COP1: variants seen among roughly 807,000 people sequenced by gnomAD.
COP1 encodes the protein COP1 E3 ubiquitin ligase, also known as E3 ubiquitin-protein ligase COP1.
Under a neutral mutation model 101.3 loss-of-function variants are expected in COP1, and 24 were observed. That is an observed-to-expected ratio of 0.24 (90% CI 0.17 to 0.33). The LOEUF is 0.33. Ranked by LOEUF, COP1 falls within the 10% of genes least tolerant of loss-of-function variation. The pLI, the probability that COP1 is intolerant of heterozygous loss-of-function variation, is 1.00. For synonymous variants in COP1, 347 were observed against 341.9 expected, an observed-to-expected ratio of 1.01 and a Z score of -0.17; for missense variants, 663 against 906.2, an observed-to-expected ratio of 0.73 and a Z score of 3.45.
At chr1:175,978,611 T>C (rs1185394660) in intron 18 of COP1, among the ~76,000 whole-genome samples, 8 of 152,184 alleles carry the variant, frequency 5.3e-5, no homozygotes, top group Admixed American at 4.6e-4. Context: ...GGAGTCTTTC[T>C]GGAAGTCAGG....
intron 6 of COP1, among the ~76,000 whole-genome samples, chr1:176,148,123 ATGTT>A (rs1691858112): frequency 6.6e-6 from 1 of 152,186 alleles, no homozygotes; most frequent in Non-Finnish European, 1.5e-5. Flanking sequence ...TTTATAACAG[ATGTT>A]TGTTAGTAGG....
intron 14 of COP1, among the ~76,000 whole-genome samples, chr1:176,042,981 A>G (rs1670897213): frequency 6.6e-6 from 1 of 152,152 alleles, no homozygotes; most frequent in South Asian, 2.1e-4. Flanking sequence ...CTGAGCCACA[A>G]TTGTGCCACT....
chr1:175,951,364 A>G (rs1649868679), intron 18 of COP1, among the ~76,000 whole-genome samples: 1 of 148,604 alleles, frequency 6.7e-6, no homozygotes, highest in African/African-American at 2.4e-5. Context: ...AGATAGATGT[A>G]ACTGATTTTA....
intron 1 of COP1, among the ~76,000 whole-genome samples, chr1:176,205,194 CTTTGT>C (rs1204448060): frequency 1.3e-5 from 2 of 152,208 alleles, no homozygotes; most frequent in Non-Finnish European, 2.9e-5. Flanking sequence ...GCACACCCCA[CTTTGT>C]TTTATTAGCT....
Position 176,207,088 on chromosome 1 carries a change from G to T in COP1, c.-110C>A. Reference sequence around the variant, plus strand: ...AGTGCATCCTGAGGACGCCCGCCGAGCCGGAGGTGGGGCTGAGGAACAATA... The same window carrying T: ...AGTGCATCCTGAGGACGCCCGCCGATCCGGAGGTGGGGCTGAGGAACAATA... On this transcript the variant is annotated 5_prime_UTR_variant, in exon 1 of 20. Transcript: ENST00000367669. 2 of 871,988 alleles carry T rather than the reference G, an allele frequency of 2.3e-6. No homozygotes were observed. Among genetic ancestry groups the T allele is most frequent in the Non-Finnish European group, 3.1e-6 (2 of 636,300 alleles). The allele number at this position is 871,988 out of a possible 1,614,324, so 54.0% of individuals were successfully genotyped here. A position where few individuals can be genotyped will look rare whatever the true frequency, so the allele number is the denominator to read the frequency against.
intron 3 of COP1, among the ~76,000 whole-genome samples, chr1:176,175,335 C>T (rs1312520244): frequency 6.6e-6 from 1 of 152,234 alleles, no homozygotes; most frequent in East Asian, 1.9e-4. Flanking sequence ...AGTCTGTCAT[C>T]TACATCAGCA....
At chr1:176,003,271 T>A (rs1168354044) in intron 15 of COP1, among the ~76,000 whole-genome samples, 1 of 152,202 alleles carries the variant, frequency 6.6e-6, no homozygotes, top group Non-Finnish European at 1.5e-5. Context: ...GATGAGTAGG[T>A]TGCAAAAATT....
At chr1:175,964,950 TG>T (rs1651818727) in intron 18 of COP1, among the ~76,000 whole-genome samples, 1 of 152,240 alleles carries the variant, frequency 6.6e-6, no homozygotes, top group Non-Finnish European at 1.5e-5. Context: ...ACAAATGTCT[TG>T]TTTTCTCATT....
At chr1:176,047,818 C>T (rs767600688) in intron 11 of COP1, among the ~76,000 whole-genome samples, 22 of 152,188 alleles carry the variant, frequency 1.4e-4, no homozygotes, top group Non-Finnish European at 3.1e-4. Context: ...CTCATGCCTG[C>T]AATCCCAGCA....
intron 9 of COP1, among the ~76,000 whole-genome samples, chr1:176,100,727 A>T (rs1683261348): frequency 6.6e-6 from 1 of 152,184 alleles, no homozygotes; most frequent in Non-Finnish European, 1.5e-5. Context: ...ATGCACCCAA[A>T]TCTTAGCAGG....
At chr1:176,087,411 AG>A (rs1055466263) in intron 9 of COP1, among the ~76,000 whole-genome samples, 2 of 151,950 alleles carry the variant, frequency 1.3e-5, no homozygotes, top group African/African-American at 4.9e-5. Context: ...GAAATTTACG[AG>A]AAAAAATCAA....
In COP1 at chr1:176,110,926, T is replaced by C. The variant is rs1288888828; in HGVS notation, c.1026+5698A>G. On this transcript the variant is annotated intron_variant, in intron 9 of 19. Transcript: ENST00000367669. ...CCCAGCACTTTGGGAGGCTGAGGCA[T>C]GCAGATCATGAGATCAAGGGATCGA... Among the ~76,000 whole-genome samples, 5 of 152,056 alleles carry C rather than the reference T, an allele frequency of 3.3e-5. No homozygotes were observed. The East Asian group carries it at 9.7e-4, about 29-fold the overall frequency.
chr1:175,992,086 T>C (rs919502597), intron 15 of COP1, among the ~76,000 whole-genome samples: 1 of 152,230 alleles, frequency 6.6e-6, no homozygotes, highest in Admixed American at 6.5e-5. Flanking sequence ...ATTTTTAATT[T>C]TTTTTGAGTA....
intron 2 of COP1, among the ~76,000 whole-genome samples, chr1:176,182,495 T>G (rs1450531467): frequency 6.6e-6 from 1 of 152,154 alleles, no homozygotes; most frequent in East Asian, 1.9e-4. Flanking sequence ...TGGTACTGGG[T>G]AGGGGTCAAG....
At chr1:176,002,724 T>C (rs1175893882) in intron 15 of COP1, among the ~76,000 whole-genome samples, 4 of 148,008 alleles carry the variant, frequency 2.7e-5, no homozygotes, top group African/African-American at 7.5e-5. Flanking sequence ...CCATGGTGTA[T>C]ATGTGCCACA....
chr1:176,067,527 T>G (rs1240078760), intron 11 of COP1, among the ~76,000 whole-genome samples: 3 of 152,076 alleles, frequency 2.0e-5, no homozygotes, highest in Non-Finnish European at 4.4e-5. Flanking sequence ...AGAATTTGGC[T>G]GGGACGGTTG....
Position 176,206,999 on chromosome 1 carries a change from C to A in COP1, c.-21G>T. The A allele has an allele frequency of 7.3e-7, 1 of 1,367,270 alleles. No individual in the cohort carries two copies. Among genetic ancestry groups the A allele is most frequent in the Admixed American group, 3.6e-5 (1 of 27,762 alleles). 84.7% of individuals were successfully genotyped at this position (1,367,270 alleles called of 1,614,324 possible). On this transcript the variant is annotated 5_prime_UTR_variant, in exon 1 of 20. Coordinates refer to ENST00000367669, the MANE Select transcript of COP1 (RefSeq NM_022457.7). ...GACATCGTGACTCCCTCCCCTCCAGCCGGGCGCTCGGAGGAGAGGGACCGC... is the reference window on the plus strand; with the variant it reads ...GACATCGTGACTCCCTCCCCTCCAGACGGGCGCTCGGAGGAGAGGGACCGC...
intron 14 of COP1, among the ~76,000 whole-genome samples, chr1:176,032,327 A>C (rs537923803): frequency 6.6e-6 from 1 of 152,330 alleles, no homozygotes; most frequent in East Asian, 1.9e-4. Context: ...AAAGATGTAA[A>C]CTTTAATACT....
At chr1:176,184,609 T>C (rs781002389) in intron 2 of COP1, 24 bp downstream of exon 2, 1 of 1,556,970 alleles carries the variant, frequency 6.4e-7, no homozygotes, top group Non-Finnish European at 8.8e-7. Flanking sequence ...TAAAAGATTA[T>C]TTTACTCAAT....
Sources: gnomAD v4.1 joint callset for allele counts (sites outside exome capture counted in the v4.1 genomes callset) on GRCh38, gnomAD v4.1.1 for gene constraint, MANE v1.5 for transcripts, NCBI Gene and HGNC (gene_info 2026-07-23, HGNC 2026-07-21) for gene names.